The following OTUD7A variants were observed in gnomAD, a reference collection of about 807,000 sequenced individuals.
The protein encoded by OTUD7A is OTU deubiquitinase 7A, also known as OTU domain-containing protein 7A.
In OTUD7A, 12 loss-of-function variants were observed where a neutral mutation model predicts 65.7. That is an observed-to-expected ratio of 0.18 (90% CI 0.12 to 0.30). OTUD7A has a LOEUF of 0.30. OTUD7A is among the 10% of genes least tolerant of loss of function. The probability of loss-of-function intolerance (pLI) is 1.00; values close to 1 mark genes in which losing one functional copy is unlikely to be tolerated. For missense variants in OTUD7A, 1,148 were observed against 1,304.8 expected (o/e 0.88, Z 1.85); for synonymous variants, 641 against 586.3 (o/e 1.09, Z -1.35).
intron 5 of OTUD7A, among the ~76,000 whole-genome samples, chr15:31,532,308 T>C (rs1349266226): frequency 6.6e-6 from 1 of 151,966 alleles, no homozygotes; most frequent in African/African-American, 2.4e-5. Flanking sequence ...GAAAATGTAG[T>C]AAAGAAATAG....
chr15:31,811,602 T>C (rs1250246319), intron 1 of OTUD7A, among the ~76,000 whole-genome samples: 1 of 152,050 alleles, frequency 6.6e-6, no homozygotes, highest in African/African-American at 2.4e-5. Context: ...AAGGAGACAG[T>C]GAGAAGCCGC....
chr15:31,653,735 C>A (rs1299444547), intron 3 of OTUD7A, among the ~76,000 whole-genome samples: 1 of 151,356 alleles, frequency 6.6e-6, no homozygotes, highest in Non-Finnish European at 1.5e-5. Context: ...ACACAAAAAA[C>A]TCAATTTTTC....
chr15:31,606,379 G>C (rs920923019), intron 3 of OTUD7A, among the ~76,000 whole-genome samples: 4 of 152,206 alleles, frequency 2.6e-5, no homozygotes, highest in African/African-American at 9.6e-5. Context: ...TTAGTAGCTT[G>C]AAAAATGTTA....
chr15:31,859,431 A>C (rs1897663146), intron 1 of OTUD7A, among the ~76,000 whole-genome samples: 1 of 152,244 alleles, frequency 6.6e-6, no homozygotes, highest in Non-Finnish European at 1.5e-5. Context: ...TCATGAACAT[A>C]AACATTTGTA....
chr15:31,572,376 A>G (rs192981730), intron 3 of OTUD7A, among the ~76,000 whole-genome samples: 1 of 152,348 alleles, frequency 6.6e-6, no homozygotes, highest in Admixed American at 6.5e-5. Context: ...TCAAAGACTG[A>G]GGAAGCTTCC....
At chr15:31,555,191 G>C (rs1753539364) in intron 5 of OTUD7A, among the ~76,000 whole-genome samples, 1 of 152,126 alleles carries the variant, frequency 6.6e-6, no homozygotes, top group Non-Finnish European at 1.5e-5. Context: ...GCCACTGTTT[G>C]CCAGTTTTCA....
chr15:31,685,745 T>C (rs745442535), intron 1 of OTUD7A, among the ~76,000 whole-genome samples: 40 of 152,206 alleles, frequency 2.6e-4, no homozygotes, highest in Admixed American at 4.6e-4. Flanking sequence ...AAATAAAGCT[T>C]TGGAACATGG....
At chr15:31,489,541 G>A (rs1185820241) in intron 10 of OTUD7A, among the ~76,000 whole-genome samples, 1 of 152,164 alleles carries the variant, frequency 6.6e-6, no homozygotes, top group African/African-American at 2.4e-5. Context: ...GGCATCCATG[G>A]TCTGTGGGCA....
rs189691124 is a variant in OTUD7A at position 31,589,951 on chromosome 15, C to A, written c.152-19754G>T. Among the ~76,000 whole-genome samples the A allele has an allele frequency of 2.9e-3, 441 of 152,102 alleles. 5 individuals are homozygous for A. Among genetic ancestry groups the A allele is most frequent in the African/African-American group, 0.01 (427 of 41,476 alleles). On this transcript the variant is annotated intron_variant, in intron 3 of 12. Coordinates refer to ENST00000307050, the MANE Select transcript of OTUD7A (RefSeq NM_001382637.1). ...AAGGATAATAATTTTGGGAAAAAAA[C>A]CTTTCAATTTGGTTATATATATATC...
At chr15:31,503,964 C>T (rs1410650682) in intron 8 of OTUD7A, 146 bp from the exon 9 acceptor site, 1 of 949,534 alleles carries the variant, frequency 1.1e-6, no homozygotes. Flanking sequence ...TCCTGGGCCA[C>T]TTCTCATGCC....
At chr15:31,719,627 G>A (rs987535803) in intron 1 of OTUD7A, among the ~76,000 whole-genome samples, 6 of 152,032 alleles carry the variant, frequency 3.9e-5, no homozygotes, top group East Asian at 1.9e-4. Context: ...CCTTGCCAGC[G>A]TCCCTGCCCT....
rs181149596 is a variant in OTUD7A, at chr15:31,787,281, T to C, written c.-100+83226A>G. The stretch of plus-strand genomic sequence containing the variant: ...GGTTGCCTCACCAAGTAGGGCTAAT[T>C]GGTTACCTTGGAATTTAATTCTTAA... On this transcript the variant is annotated intron_variant, in intron 1 of 12. Coordinates refer to ENST00000307050, the MANE Select transcript of OTUD7A (RefSeq NM_001382637.1). Among the ~76,000 whole-genome samples, 14 of 152,348 alleles carry C rather than the reference T, an allele frequency of 9.2e-5. No homozygotes were observed. In the East Asian group the frequency reaches 2.5e-3, roughly 27 times the overall value.
At chr15:31,671,474 G>C (rs1308733881) in intron 1 of OTUD7A, among the ~76,000 whole-genome samples, 1 of 152,158 alleles carries the variant, frequency 6.6e-6, no homozygotes, top group Admixed American at 6.5e-5. Flanking sequence ...TAGCCTTGTA[G>C]TATAGTTTGA....
intron 3 of OTUD7A, among the ~76,000 whole-genome samples, chr15:31,575,308 C>T (rs1889171810): frequency 6.6e-6 from 1 of 152,136 alleles, no homozygotes; most frequent in Non-Finnish European, 1.5e-5. Context: ...TCCTTTATAA[C>T]AATAATTTCC....
chr15:31,729,996 T>G (rs549772739), intron 1 of OTUD7A, among the ~76,000 whole-genome samples: 44 of 152,324 alleles, frequency 2.9e-4, no homozygotes, highest in African/African-American at 1.0e-3. Context: ...ATTCATATAT[T>G]GAAACCCTAG....
In OTUD7A at chr15:31,484,656, C is replaced by T; in HGVS notation, c.1440G>A (p.Ser480=). Residue 480 remains serine, a synonymous_variant, in exon 13 of 13, where the codon TCG becomes TCA. Coordinates refer to ENST00000307050, the MANE Select transcript of OTUD7A (RefSeq NM_001382637.1). This position sits in a 1 kb window ranked among gnomAD's most constrained non-coding sequence, Gnocchi z 4.5. ...ACACCGAATCGCGGTCCGAGTCCAG[C>T]GAGTCGGCCAGGGACTGCACGTCCT... is the stretch of plus-strand genomic sequence containing the variant. ...AGEDVQSLAD[S]LDSDRDSVCS... 2 of 1,582,942 alleles carry T rather than the reference C, an allele frequency of 1.3e-6. No individual in the cohort carries two copies. The highest frequency in any genetic ancestry group is 8.6e-7 in the Non-Finnish European group (1 of 1,167,044).
chr15:31,506,343 G>A (rs911862385), intron 8 of OTUD7A, among the ~76,000 whole-genome samples: 1 of 152,032 alleles, frequency 6.6e-6, no homozygotes, highest in Admixed American at 6.6e-5. Flanking sequence ...GATTGTAACA[G>A]ATACAGTTTA....
chr15:31,493,211 T>C (rs187054806), intron 10 of OTUD7A, among the ~76,000 whole-genome samples: 8 of 151,714 alleles, frequency 5.3e-5, no homozygotes, highest in African/African-American at 1.9e-4. Flanking sequence ...TTAAAAGATA[T>C]TCACTAATGG....
chr15:31,634,658 T>C (rs962963577), intron 3 of OTUD7A, among the ~76,000 whole-genome samples: 2 of 152,242 alleles, frequency 1.3e-5, no homozygotes, highest in African/African-American at 2.4e-5. Flanking sequence ...CTGCCCTGTA[T>C]ACAGCAGGCA....
Sources: allele counts gnomAD v4.1 joint callset (sites outside exome capture counted in the v4.1 genomes callset), GRCh38; gene constraint gnomAD v4.1.1; non-coding constraint Gnocchi (gnomAD v3.1); transcripts MANE v1.5; gene names NCBI Gene and HGNC (gene_info 2026-07-23, HGNC 2026-07-21).